PARD3B: variants seen among roughly 807,000 people sequenced by gnomAD.
The protein encoded by PARD3B is par-3 family cell polarity regulator beta, also known as partitioning defective 3 homolog B.
PARD3B carries 103 observed loss-of-function variants against 130.2 expected under a neutral mutation model. The ratio of observed to expected loss-of-function variants is 0.79; its 90% CI spans 0.67 to 0.93. The LOEUF is 0.93. Ranked by LOEUF, PARD3B falls within the 40% of genes least tolerant of loss-of-function variation. The pLI is 0.00. For missense variants in PARD3B, 1,609 were observed against 1,499.2 expected (o/e 1.07, Z -1.21); for synonymous variants, 583 against 553.2 (o/e 1.05, Z -0.76).
intron 3 of PARD3B, among the ~76,000 whole-genome samples, chr2:205,041,541 C>T (rs1229026265): frequency 2.6e-5 from 4 of 152,134 alleles, no homozygotes; most frequent in Admixed American, 2.6e-4. Context: ...ACCTTCTCCA[C>T]GTTGCCCTTC....
At chr2:205,476,353 AT>A (rs1042281670) in intron 20 of PARD3B, among the ~76,000 whole-genome samples, 1 of 151,586 alleles carries the variant, frequency 6.6e-6, no homozygotes, top group Non-Finnish European at 1.5e-5. Flanking sequence ...CCTTTTTTTC[AT>A]TTTTTTCTTA....
At chr2:204,794,762 G>C (rs2042313442) in intron 2 of PARD3B, among the ~76,000 whole-genome samples, 1 of 152,186 alleles carries the variant, frequency 6.6e-6, no homozygotes, top group Non-Finnish European at 1.5e-5. Context: ...GAAAGTTTAA[G>C]TTTCCTCTCC....
chr2:205,037,095 TATA>T (rs879264354), intron 3 of PARD3B, among the ~76,000 whole-genome samples: 8,776 of 132,394 alleles, frequency 0.066, 461 homozygotes, highest in Middle Eastern at 0.12. Context: ...AATATACATA[TATA>T]GCGGACTGTA....
At chr2:205,506,845 A>C (rs969356610) in intron 21 of PARD3B, among the ~76,000 whole-genome samples, 1 of 152,210 alleles carries the variant, frequency 6.6e-6, no homozygotes, top group Non-Finnish European at 1.5e-5. Context: ...AATCAAACTG[A>C]CCTGATTCAT....
At chr2:204,994,546 T>C (rs1284657222) in intron 3 of PARD3B, among the ~76,000 whole-genome samples, 1 of 144,644 alleles carries the variant, frequency 6.9e-6, no homozygotes, top group Non-Finnish European at 1.5e-5. Flanking sequence ...CTGAAAAAAA[T>C]GTATATTCTG....
intron 20 of PARD3B, 88 bp from the exon 21 acceptor site, chr2:205,499,808 A>T: frequency 7.6e-7 from 1 of 1,312,298 alleles, no homozygotes. Flanking sequence ...CCAAATTTAG[A>T]TGTCAACTCC....
At chr2:205,032,663 A>G (rs1289126564) in intron 3 of PARD3B, among the ~76,000 whole-genome samples, 1 of 152,180 alleles carries the variant, frequency 6.6e-6, no homozygotes, top group Non-Finnish European at 1.5e-5. Context: ...TATTAAGCAG[A>G]AACAGAAGAA....
intron 3 of PARD3B, among the ~76,000 whole-genome samples, chr2:204,988,900 A>G (rs888632199): frequency 2.6e-5 from 4 of 152,194 alleles, no homozygotes; most frequent in Admixed American, 2.6e-4. Context: ...TTTAACAATG[A>G]AAAGAATGGA....
At chr2:204,842,782 C>G (rs1575114979) in intron 2 of PARD3B, among the ~76,000 whole-genome samples, 1 of 152,090 alleles carries the variant, frequency 6.6e-6, no homozygotes, top group Non-Finnish European at 1.5e-5. Context: ...GTACAGCAGG[C>G]CTGCGCTGTG....
rs2052579797 is a variant in PARD3B, at chr2:205,550,772, A to G, written c.3181-2552A>G. ...ATGTATACTATATATAAATACATATATGTATATACATGCAAATATACAAAT... is the reference window on the plus strand; with the variant it reads ...ATGTATACTATATATAAATACATATGTGTATATACATGCAAATATACAAAT... On this transcript the variant is annotated intron_variant, in intron 21 of 22. Coordinates refer to ENST00000406610, the MANE Select transcript of PARD3B (RefSeq NM_001302769.2). The surrounding 1 kb of genome is among the most constrained non-coding windows in gnomAD (Gnocchi z 4.5). Among the ~76,000 whole-genome samples, 1 of 150,796 alleles carries G rather than the reference A, an allele frequency of 6.6e-6. No individual in the cohort carries two copies. The highest frequency in any genetic ancestry group is 1.5e-5 in the Non-Finnish European group (1 of 67,778).
At chr2:205,519,407 G>C (rs1285275515) in intron 21 of PARD3B, among the ~76,000 whole-genome samples, 2 of 152,148 alleles carry the variant, frequency 1.3e-5, no homozygotes, top group Admixed American at 6.6e-5. Flanking sequence ...TTCTTGTATT[G>C]TGTTATTCAG....
At position 205,057,618 on chromosome 2, in the gene PARD3B, T is replaced by C. The variant is rs370273006; in HGVS notation, c.504+9928T>C. On this transcript the variant is annotated intron_variant, in intron 4 of 22. Coordinates refer to ENST00000406610, the MANE Select transcript of PARD3B (RefSeq NM_001302769.2). ...ATATACATATATGTGTATGTGTATG[T>C]GTATACGTATATATATACATATATG... 2.9e-5 allele frequency among the ~76,000 whole-genome samples: 4 copies of C among 140,114 alleles called. 1 individual carries two copies. The highest frequency in any genetic ancestry group is 1.0e-4 in the African/African-American group (4 of 38,472). 91.9% of individuals were successfully genotyped at this position (140,114 alleles called of 152,430 possible). A position where few individuals can be genotyped will look rare whatever the true frequency, so the allele number is the denominator to read the frequency against.
At chr2:204,645,080 G>C (rs2035227180) in intron 1 of PARD3B, among the ~76,000 whole-genome samples, 2 of 152,220 alleles carry the variant, frequency 1.3e-5, no homozygotes, top group South Asian at 4.1e-4. Flanking sequence ...GATTTTATTT[G>C]ATATTAAAGC....
chr2:205,256,190 T>TA (rs1553650739), intron 16 of PARD3B, among the ~76,000 whole-genome samples: 4 of 151,900 alleles, frequency 2.6e-5, no homozygotes, highest in African/African-American at 9.7e-5. Flanking sequence ...ATGTTTTTTT[T>TA]AAAAAAATCT....
chr2:205,511,792 A>T lies in PARD3B; in HGVS notation c.3180+11761A>T, dbSNP rs552328743. Among the ~76,000 whole-genome samples, 404 of 152,344 alleles carry T rather than the reference A, an allele frequency of 2.7e-3. 4 individuals are homozygous for T. The highest frequency in any genetic ancestry group is 5.1e-3 in the Non-Finnish European group (350 of 68,036). On this transcript the variant is annotated intron_variant, in intron 21 of 22. Transcript: ENST00000406610. Reference sequence around the variant, plus strand: ...CATGTATCACTTAAATTTGACAACAATTAAAACTCCACATAAGCCATGTTT... The same window carrying T: ...CATGTATCACTTAAATTTGACAACATTTAAAACTCCACATAAGCCATGTTT...
intron 2 of PARD3B, among the ~76,000 whole-genome samples, chr2:204,725,699 A>G (rs555537561): frequency 6.4e-4 from 97 of 152,322 alleles, no homozygotes; most frequent in South Asian, 3.7e-3. Context: ...TGCACCCACT[A>G]TTTAGTAAAC....
chr2:205,401,262 C>G (rs1040932372), intron 19 of PARD3B, 139 bp downstream of exon 19: 25 of 616,586 alleles, frequency 4.1e-5, no homozygotes, highest in Middle Eastern at 2.9e-4. Context: ...GTGTCTGATA[C>G]AAAAAGAACC....
At chr2:205,506,274 A>T (rs1016062544) in intron 21 of PARD3B, among the ~76,000 whole-genome samples, 1 of 152,222 alleles carries the variant, frequency 6.6e-6, no homozygotes, top group African/African-American at 2.4e-5. Context: ...CGGAAGTTGC[A>T]GTGAGCTGAG....
intron 2 of PARD3B, among the ~76,000 whole-genome samples, chr2:204,832,097 G>T (rs1235198545): frequency 6.6e-6 from 1 of 151,988 alleles, no homozygotes; most frequent in Non-Finnish European, 1.5e-5. Context: ...ATGGTGGTGG[G>T]CGCCTGTAGT....
Sources: allele counts gnomAD v4.1 joint callset (sites outside exome capture counted in the v4.1 genomes callset), GRCh38; gene constraint gnomAD v4.1.1; non-coding constraint Gnocchi (gnomAD v3.1); transcripts MANE v1.5; gene names NCBI Gene and HGNC (gene_info 2026-07-23, HGNC 2026-07-21).